Variants in HNMT observed in about 807,000 individuals in gnomAD.
HNMT encodes histamine N-methyltransferase.
In HNMT, 30 loss-of-function variants were observed where a neutral mutation model predicts 32.1. That is an observed-to-expected ratio of 0.93 (90% CI 0.70 to 1.27). The LOEUF (loss-of-function observed/expected upper bound fraction) is 1.27. Among genes scored for constraint, HNMT ranks in the 50% most tolerant of loss-of-function variants. The pLI, the probability that HNMT is intolerant of heterozygous loss-of-function variation, is 0.00. For missense variants in HNMT, 327 were observed against 346.0 expected (o/e 0.95, Z 0.43); for synonymous variants, 125 against 119.0 (o/e 1.05, Z -0.33).
chr2:137,978,775 T>C (rs1049048504), intron 2 of HNMT, among the ~76,000 whole-genome samples: 1 of 139,694 alleles, frequency 7.2e-6, no homozygotes. Flanking sequence ...TATAATATAG[T>C]ATTATATAAT....
rs1354700770 is a variant in HNMT, at chr2:137,980,286, C to T, written c.190+10069C>T. On this transcript the variant is annotated intron_variant, in intron 2 of 5. Transcript: ENST00000280097. ...TCTCCTGACCTCATGATCCTCCCAT[C>T]TCGGCCTCCCAAAGTGCTGGGATTA... Among the ~76,000 whole-genome samples the T allele has an allele frequency of 3.9e-5, 6 of 152,202 alleles. No individual in the cohort carries two copies. The East Asian group carries it at 7.7e-4, about 20-fold the overall frequency.
intron 2 of HNMT, among the ~76,000 whole-genome samples, chr2:137,983,285 C>T (rs1446362735): frequency 1.3e-5 from 2 of 152,278 alleles, no homozygotes; most frequent in Non-Finnish European, 2.9e-5. Flanking sequence ...GTCCTCACTA[C>T]AGTCACTAAC....
chr2:138,000,875 C>T, intron 2 of HNMT, 43 bp from the exon 3 acceptor site: 1 of 1,075,830 alleles, frequency 9.3e-7, no homozygotes, highest in Non-Finnish European at 1.4e-6. Flanking sequence ...TTAATCATTT[C>T]TTGCTGGAAT....
chr2:137,986,611 T>C (rs531109734), intron 2 of HNMT, among the ~76,000 whole-genome samples: 1 of 152,272 alleles, frequency 6.6e-6, no homozygotes, highest in South Asian at 2.1e-4. Context: ...TTTATCCAAA[T>C]GTCTGAGCAC....
At chr2:137,969,849 T>G (rs749095436) in intron 1 of HNMT, among the ~76,000 whole-genome samples, 13 of 152,196 alleles carry the variant, frequency 8.5e-5, no homozygotes, top group Non-Finnish European at 1.9e-4. Flanking sequence ...AGTGGCTTAT[T>G]ATATGACTAG....
At chr2:137,990,714 T>C (rs1226068576) in intron 2 of HNMT, among the ~76,000 whole-genome samples, 1 of 152,196 alleles carries the variant, frequency 6.6e-6, no homozygotes, top group Non-Finnish European at 1.5e-5. Flanking sequence ...TATTTATATG[T>C]ACATACATAT....
At position 137,987,601 on chromosome 2, in the gene HNMT, C is replaced by CTT. The variant is rs5834598; in HGVS notation, c.191-13290_191-13289dup. 8.0e-4 allele frequency among the ~76,000 whole-genome samples: 56 copies of CTT among 70,288 alleles called. 1 individual carries two copies. The highest frequency in any genetic ancestry group is 3.0e-3 in the African/African-American group (54 of 17,766). 46.1% of individuals were successfully genotyped at this position (70,288 alleles called of 152,430 possible). A position where few individuals can be genotyped will look rare whatever the true frequency, so the allele number is the denominator to read the frequency against. On this transcript the variant is annotated intron_variant, in intron 2 of 5. Coordinates refer to ENST00000280097, the MANE Select transcript of HNMT (RefSeq NM_006895.3). ...ATTCAGTTAGAAAGGACAATGGCCA[C>CTT]TTTTTTTTTTTTTTTTTTTTTTTTT... is the stretch of plus-strand genomic sequence containing the variant.
intron 5 of HNMT, 144 bp downstream of exon 5, chr2:138,005,369 C>G (rs1681301569): frequency 1.6e-6 from 1 of 611,992 alleles, no homozygotes; most frequent in African/African-American, 1.9e-5. Flanking sequence ...TTAATTTTCA[C>G]AGTATTAGGG....
chr2:137,965,543 A>T (rs1241995160), intron 1 of HNMT, among the ~76,000 whole-genome samples: 1 of 152,168 alleles, frequency 6.6e-6, no homozygotes, highest in Non-Finnish European at 1.5e-5. Context: ...TGTACATAAA[A>T]TTTTATTTCC....
chr2:138,009,848 C>T (rs186997882), intron 5 of HNMT, among the ~76,000 whole-genome samples: 1 of 151,980 alleles, frequency 6.6e-6, no homozygotes, highest in Non-Finnish European at 1.5e-5. Context: ...CCCTCCTTAC[C>T]CCTGTTTAGG....
At chr2:138,009,700 A>G (rs1366904793) in intron 5 of HNMT, among the ~76,000 whole-genome samples, 1 of 152,100 alleles carries the variant, frequency 6.6e-6, no homozygotes, top group Non-Finnish European at 1.5e-5. Flanking sequence ...GTCAGTGAAC[A>G]CACATAGGAA....
intron 2 of HNMT, among the ~76,000 whole-genome samples, chr2:137,977,135 T>C (rs552713816): frequency 4.6e-5 from 7 of 152,252 alleles, no homozygotes; most frequent in African/African-American, 7.2e-5. Flanking sequence ...ACAGGTAAAA[T>C]AGAAAAAAAG....
chr2:137,995,399 T>A (rs1680961966), intron 2 of HNMT, among the ~76,000 whole-genome samples: 1 of 152,096 alleles, frequency 6.6e-6, no homozygotes, highest in Non-Finnish European at 1.5e-5. Context: ...TCTACACAAA[T>A]AAACTAGAAA....
chr2:137,975,831 T>C (rs2104934243), intron 2 of HNMT, among the ~76,000 whole-genome samples: 1 of 152,266 alleles, frequency 6.6e-6, no homozygotes, highest in South Asian at 2.1e-4. Flanking sequence ...ATACAGGGAA[T>C]TGAGGTATTT....
chr2:137,969,302 C>G (rs1680053187), intron 1 of HNMT, among the ~76,000 whole-genome samples: 1 of 152,196 alleles, frequency 6.6e-6, no homozygotes, highest in Non-Finnish European at 1.5e-5. Context: ...GTGATGGAAT[C>G]TACTTTTCTA....
chr2:137,970,109 G>C lies in HNMT; in HGVS notation c.138-56G>C, dbSNP rs918070043. 5.5e-5 allele frequency: 51 copies of C among 920,566 alleles called. 1 individual carries two copies. The highest frequency in any genetic ancestry group is 8.3e-5 in the Non-Finnish European group (48 of 578,742). The allele number at this position is 920,566 out of a possible 1,614,324, so 57.0% of individuals were successfully genotyped here. A position where few individuals can be genotyped will look rare whatever the true frequency, so the allele number is the denominator to read the frequency against. ...TCTCTTCAACTAGACTAGATAATCA[G>C]ATTTCACAAAGCACCTAACACATTT... On this transcript the variant is annotated intron_variant, in intron 1 of 5. Transcript: ENST00000280097.
At chr2:138,001,231 T>C (rs1681161055) in intron 3 of HNMT, among the ~76,000 whole-genome samples, 1 of 152,186 alleles carries the variant, frequency 6.6e-6, no homozygotes, top group Admixed American at 6.5e-5. Flanking sequence ...TATTAACACT[T>C]CATCCATTCC....
intron 1 of HNMT, among the ~76,000 whole-genome samples, chr2:137,964,866 G>A (rs762006324): frequency 9.9e-5 from 15 of 152,132 alleles, no homozygotes; most frequent in African/African-American, 3.4e-4. Context: ...CAGCTGCATA[G>A]AGATAAGCGT....
At chr2:138,008,524 A>G (rs1269137582) in intron 5 of HNMT, among the ~76,000 whole-genome samples, 2 of 151,892 alleles carry the variant, frequency 1.3e-5, no homozygotes, top group African/African-American at 4.8e-5. Context: ...TTTCCAAACC[A>G]TACTATAGGG....
Sources: gnomAD v4.1 joint callset for allele counts (sites outside exome capture counted in the v4.1 genomes callset) on GRCh38, gnomAD v4.1.1 for gene constraint, MANE v1.5 for transcripts, NCBI Gene and HGNC (gene_info 2026-07-23, HGNC 2026-07-21) for gene names.